RBFOX1: variants seen among roughly 807,000 people sequenced by gnomAD.
RBFOX1 encodes RNA binding protein fox-1 homolog 1.
RBFOX1 carries 8 observed loss-of-function variants against 57.7 expected under a neutral mutation model. That is an observed-to-expected ratio of 0.14 (90% CI 0.08 to 0.25). RBFOX1 has a LOEUF of 0.25. RBFOX1 is among the 10% of genes least tolerant of loss of function. The probability of loss-of-function intolerance (pLI) is 1.00; values close to 1 mark genes in which losing one functional copy is unlikely to be tolerated. For missense variants in RBFOX1, 611 were observed against 548.5 expected (o/e 1.11, Z -1.14); for synonymous variants, 326 against 222.4 (o/e 1.47, Z -4.15).
intron 3 of RBFOX1, among the ~76,000 whole-genome samples, chr16:5,750,984 A>T (rs1338266893): frequency 6.6e-6 from 1 of 152,152 alleles, no homozygotes; most frequent in Non-Finnish European, 1.5e-5. Context: ...AGCTGTTCCT[A>T]TTCGGCAATC....
chr16:6,890,744 A>G (rs1045263356), intron 3 of RBFOX1, among the ~76,000 whole-genome samples: 1 of 152,168 alleles, frequency 6.6e-6, no homozygotes, highest in African/African-American at 2.4e-5. Context: ...GAGTGCCTAA[A>G]TTCACTGTCA....
rs113093123 is a variant in RBFOX1, at chr16:5,908,291, C to CAT, written c.351+40966_351+40967dup. 7.1e-4 allele frequency among the ~76,000 whole-genome samples: 101 copies of CAT among 141,660 alleles called. 1 individual carries two copies. Among genetic ancestry groups the CAT allele is most frequent in the African/African-American group, 2.3e-3 (86 of 36,964 alleles). 92.9% of individuals were successfully genotyped at this position (141,660 alleles called of 152,430 possible). ...ATATATATACATACATATATATACACATATATATATACACACATATATACA... is the reference window on the plus strand; with the variant it reads ...ATATATATACATACATATATATACACATATATATATATACACACATATATACA... On this transcript the variant is annotated intron_variant, in intron 4 of 19. Coordinates refer to the RBFOX1 transcript ENST00000641259.
chr16:5,435,317 C>A (rs1567507155), intron 1 of RBFOX1, among the ~76,000 whole-genome samples: 2 of 152,104 alleles, frequency 1.3e-5, no homozygotes, highest in African/African-American at 2.4e-5. Context: ...CCCCACCAGA[C>A]CTCCCTTCTG....
chr16:7,566,035 CT>C (rs1472273177), intron 5 of RBFOX1, among the ~76,000 whole-genome samples: 1 of 152,064 alleles, frequency 6.6e-6, no homozygotes, highest in Admixed American at 6.6e-5. Context: ...TGGTAAGGGG[CT>C]TTTGATATAG....
At chr16:5,401,791 CCT>C (rs538509247) in intron 1 of RBFOX1, among the ~76,000 whole-genome samples, 1 of 144,042 alleles carries the variant, frequency 6.9e-6, no homozygotes, top group African/African-American at 2.6e-5. Flanking sequence ...TCCTCCTCCT[CCT>C]CTTTCTCCTC....
chr16:5,830,396 T>C (rs2056223150), intron 3 of RBFOX1, among the ~76,000 whole-genome samples: 1 of 152,078 alleles, frequency 6.6e-6, no homozygotes, highest in South Asian at 2.1e-4. Context: ...TTTTTTGTTC[T>C]TTCTGTAAAC....
At position 6,342,060 on chromosome 16, in the gene RBFOX1, C is replaced by T. The variant is rs374592168; in HGVS notation, c.-64+25003C>T. Among the ~76,000 whole-genome samples, 195 of 152,298 alleles carry T rather than the reference C, an allele frequency of 1.3e-3. 1 individual carries two copies. The highest frequency in any genetic ancestry group is 4.3e-3 in the African/African-American group (177 of 41,556). On this transcript the variant is annotated intron_variant, in intron 2 of 15. Transcript: ENST00000550418. ...GGACACTGTTGGGGGGCCTATTATT[C>T]TGCCTAGCACAGGGCACAGTAAGGA... is the stretch of plus-strand genomic sequence containing the variant.
intron 7 of RBFOX1, among the ~76,000 whole-genome samples, chr16:7,595,134 C>T (rs922434555): frequency 3.3e-5 from 5 of 152,198 alleles, no homozygotes; most frequent in African/African-American, 9.6e-5. Flanking sequence ...TGTTGAATTT[C>T]GTGCACACGT....
chr16:6,958,305 A>G lies in RBFOX1; in HGVS notation c.-15-93752A>G, dbSNP rs376579281. On this transcript the variant is annotated intron_variant, in intron 3 of 15. Transcript: ENST00000550418. ...TGAGGCAATTATTCCAACACACTCTATTCAAAATACACATTAGAACTTAAC... is the reference window on the plus strand; with the variant it reads ...TGAGGCAATTATTCCAACACACTCTGTTCAAAATACACATTAGAACTTAAC... Among the ~76,000 whole-genome samples the G allele has an allele frequency of 6.1e-4, 93 of 152,304 alleles. 2 individuals carry two copies. In the South Asian group the frequency reaches 0.018, roughly 30 times the overall value.
chr16:6,529,449 C>T (rs1567570485), intron 2 of RBFOX1, among the ~76,000 whole-genome samples: 1 of 151,936 alleles, frequency 6.6e-6, no homozygotes, highest in Non-Finnish European at 1.5e-5. Context: ...ATCCCGGCTA[C>T]TTGGGAGACT....
chr16:6,840,744 C>G (rs9928709), intron 3 of RBFOX1, among the ~76,000 whole-genome samples: 74,387 of 151,648 alleles, frequency 0.49, 19,670 homozygotes, highest in East Asian at 0.73. Context: ...AAAATTAGAT[C>G]AGTGTGGTGG....
intron 2 of RBFOX1, among the ~76,000 whole-genome samples, chr16:6,372,426 A>G (rs2090568709): frequency 6.6e-6 from 1 of 151,566 alleles, no homozygotes; most frequent in Admixed American, 6.6e-5. Flanking sequence ...GTGGAAGAGT[A>G]TAGTTGGATG....
At chr16:5,831,382 C>G (rs965340384) in intron 3 of RBFOX1, among the ~76,000 whole-genome samples, 17 of 152,120 alleles carry the variant, frequency 1.1e-4, no homozygotes, top group Non-Finnish European at 8.8e-5. Flanking sequence ...GGCTTTCCAC[C>G]TTGAGTAAAA....
At chr16:7,148,365 C>T (rs923666854) in intron 4 of RBFOX1, among the ~76,000 whole-genome samples, 2 of 152,172 alleles carry the variant, frequency 1.3e-5, no homozygotes, top group Admixed American at 6.5e-5. Context: ...AGGCCATTAT[C>T]ATATTAATTT....
chr16:5,802,546 A>C (rs1189058415), intron 3 of RBFOX1, among the ~76,000 whole-genome samples: 2 of 152,178 alleles, frequency 1.3e-5, no homozygotes, highest in East Asian at 3.9e-4. Context: ...TCAGAGGTGG[A>C]ACTGCTTGTT....
intron 3 of RBFOX1, among the ~76,000 whole-genome samples, chr16:6,977,579 C>G (rs1360401889): frequency 1.3e-5 from 2 of 152,024 alleles, no homozygotes; most frequent in Non-Finnish European, 2.9e-5. Flanking sequence ...TCTGTGGTTC[C>G]TAACTCAGGA....
intron 1 of RBFOX1, among the ~76,000 whole-genome samples, chr16:6,061,389 TA>T (rs2152459564): frequency 6.6e-6 from 1 of 152,132 alleles, no homozygotes; most frequent in East Asian, 1.9e-4. Flanking sequence ...TATCTGAAAA[TA>T]GATAATTTTC....
intron 1 of RBFOX1, among the ~76,000 whole-genome samples, chr16:6,242,813 A>T (rs1469095604): frequency 6.6e-6 from 1 of 152,118 alleles, no homozygotes; most frequent in Non-Finnish European, 1.5e-5. Context: ...TTAAGCCCAG[A>T]TGTCCTTTTA....
At chr16:7,030,683 A>G (rs1185034586) in intron 3 of RBFOX1, among the ~76,000 whole-genome samples, 1 of 152,172 alleles carries the variant, frequency 6.6e-6, no homozygotes, top group East Asian at 1.9e-4. Context: ...TTACATCTGT[A>G]AAGACTGTAT....
Sources: gnomAD v4.1 joint callset for allele counts (sites outside exome capture counted in the v4.1 genomes callset) on GRCh38, gnomAD v4.1.1 for gene constraint, MANE v1.5 for transcripts, NCBI Gene and HGNC (gene_info 2026-07-23, HGNC 2026-07-21) for gene names.